SOX6: variants seen among roughly 807,000 people sequenced by gnomAD.
The protein encoded by SOX6 is transcription factor SOX-6.
SOX6 carries 11 observed loss-of-function variants against 97.8 expected under a neutral mutation model. The ratio of observed to expected loss-of-function variants is 0.11; its 90% CI spans 0.07 to 0.19. SOX6 has a LOEUF of 0.19. Among genes scored for constraint, SOX6 ranks in the 10% least tolerant of loss-of-function variants. The pLI is 1.00. For synonymous variants in SOX6, 360 were observed against 371.4 expected (o/e 0.97, Z 0.35); for missense variants, 810 against 1,039.5 (o/e 0.78, Z 3.04).
At chr11:16,658,317 C>A (rs927078988) in intron 3 of SOX6, among the ~76,000 whole-genome samples, 3 of 152,166 alleles carry the variant, frequency 2.0e-5, no homozygotes, top group African/African-American at 7.2e-5. Context: ...CAGTTCATAT[C>A]TTTTGCGTAT....
At chr11:16,235,668 T>C (rs575772274) in intron 3 of SOX6, among the ~76,000 whole-genome samples, 1 of 152,266 alleles carries the variant, frequency 6.6e-6, no homozygotes, top group Non-Finnish European at 1.5e-5. Flanking sequence ...GTTACTCCAA[T>C]TCTAAATGCC....
intron 2 of SOX6, among the ~76,000 whole-genome samples, chr11:16,726,665 C>G (rs1007331782): frequency 6.6e-6 from 1 of 152,072 alleles, no homozygotes; most frequent in African/African-American, 2.4e-5. Flanking sequence ...TCCTGGAAGT[C>G]AGGGAGGGAA....
intron 3 of SOX6, among the ~76,000 whole-genome samples, chr11:16,651,752 T>C (rs968225355): frequency 6.6e-6 from 1 of 152,104 alleles, no homozygotes. Context: ...CGATTCAACA[T>C]AGTACTGGAA....
At chr11:16,336,386 T>A (rs1856460605) in intron 2 of SOX6, among the ~76,000 whole-genome samples, 1 of 152,202 alleles carries the variant, frequency 6.6e-6, no homozygotes, top group African/African-American at 2.4e-5. Flanking sequence ...TTCTTGACTA[T>A]GTTTCTGCCC....
At chr11:16,274,780 G>A (rs1854348702) in intron 3 of SOX6, among the ~76,000 whole-genome samples, 1 of 152,108 alleles carries the variant, frequency 6.6e-6, no homozygotes, top group African/African-American at 2.4e-5. Context: ...TTTTCAGACA[G>A]CTAACCCAAA....
At chr11:16,185,220 G>A (rs978608188) in intron 5 of SOX6, among the ~76,000 whole-genome samples, 5 of 152,148 alleles carry the variant, frequency 3.3e-5, no homozygotes, top group Non-Finnish European at 5.9e-5. Flanking sequence ...TGAGAAATGA[G>A]ACTCCTCCTT....
intron 4 of SOX6, among the ~76,000 whole-genome samples, chr11:16,500,486 A>G (rs1049494710): frequency 6.6e-6 from 1 of 152,176 alleles, no homozygotes; most frequent in Non-Finnish European, 1.5e-5. Flanking sequence ...GAAGGAAATA[A>G]AGGGTATTCA....
Position 16,523,481 on chromosome 11 carries a change from C to A in SOX6, n.610-47093G>T, listed in dbSNP as rs549579367. ...CAGAATCTCTGGGACACATTCAAAG[C>A]AGTGTGTAGAGGGAAATTTATAGCA... On this transcript the variant is annotated intron_variant and non_coding_transcript_variant, in intron 4 of 5. Transcript: ENST00000524520. 3.3e-5 allele frequency among the ~76,000 whole-genome samples: 5 copies of A among 151,998 alleles called. No homozygotes were observed. The East Asian group carries it at 5.8e-4, about 18-fold the overall frequency.
rs182523975 is a variant in SOX6 at position 16,249,736 on chromosome 11, C to T, written c.446-15065G>A. 8.5e-5 allele frequency among the ~76,000 whole-genome samples: 13 copies of T among 152,248 alleles called. No individual in the cohort carries two copies. In the East Asian group the frequency reaches 2.3e-3, roughly 27 times the overall value. ...CTGATAAATGCCACCAGGTAGAAAGCCAAGCTAATCTCATGGCTTACTTTA... is the reference window on the plus strand; with the variant it reads ...CTGATAAATGCCACCAGGTAGAAAGTCAAGCTAATCTCATGGCTTACTTTA... On this transcript the variant is annotated intron_variant, in intron 3 of 15. Coordinates refer to ENST00000683767, the MANE Select transcript of SOX6 (RefSeq NM_001367873.1).
intron 1 of SOX6, among the ~76,000 whole-genome samples, chr11:16,363,697 G>C (rs1162551693): frequency 6.6e-6 from 1 of 151,986 alleles, no homozygotes; most frequent in Non-Finnish European, 1.5e-5. Context: ...CCAACAGTTA[G>C]TCTCTGCATC....
intron 6 of SOX6, among the ~76,000 whole-genome samples, chr11:16,143,097 G>C (rs530878424): frequency 3.3e-5 from 5 of 152,198 alleles, no homozygotes; most frequent in East Asian, 1.9e-4. Context: ...AGGGCAGCCA[G>C]AGAGAAAGGT....
intron 9 of SOX6, among the ~76,000 whole-genome samples, chr11:16,095,435 A>G (rs1848772972): frequency 6.6e-6 from 1 of 151,826 alleles, no homozygotes. Flanking sequence ...GTCTTGGAAA[A>G]AGCAATCATC....
At chr11:16,162,097 A>G (rs1850764318) in intron 6 of SOX6, among the ~76,000 whole-genome samples, 1 of 152,240 alleles carries the variant, frequency 6.6e-6, no homozygotes, top group Non-Finnish European at 1.5e-5. Context: ...TAAGTTCAGG[A>G]TGATGGATAG....
At chr11:16,535,020 A>ATGTC (rs1366754417) in intron 4 of SOX6, among the ~76,000 whole-genome samples, 1 of 152,186 alleles carries the variant, frequency 6.6e-6, no homozygotes, top group Non-Finnish European at 1.5e-5. Context: ...AAGCAGAGAT[A>ATGTC]TGTCAATGTT....
chr11:16,144,216 T>C (rs1850227722), intron 6 of SOX6, among the ~76,000 whole-genome samples: 1 of 152,150 alleles, frequency 6.6e-6, no homozygotes, highest in Admixed American at 6.5e-5. Context: ...ACCACTCAAC[T>C]ACATGGAAAC....
intron 3 of SOX6, among the ~76,000 whole-genome samples, chr11:16,654,595 A>T (rs1847698592): frequency 6.6e-6 from 1 of 152,166 alleles, no homozygotes; most frequent in Non-Finnish European, 1.5e-5. Context: ...CAGCCCTGTC[A>T]TCACTCTTGA....
intron 4 of SOX6, among the ~76,000 whole-genome samples, chr11:16,572,523 ATTAATG>A (rs1287745870): frequency 1.3e-5 from 2 of 152,208 alleles, no homozygotes; most frequent in Non-Finnish European, 2.9e-5. Context: ...CTGTAATTTG[ATTAATG>A]TTAAAGTCAG....
At chr11:16,181,841 C>T (rs1851356079) in intron 6 of SOX6, among the ~76,000 whole-genome samples, 1 of 151,736 alleles carries the variant, frequency 6.6e-6, no homozygotes, top group Non-Finnish European at 1.5e-5. Flanking sequence ...GAATGTAACT[C>T]TGACATTGAC....
chr11:16,292,750 C>T (rs189532375), intron 3 of SOX6, among the ~76,000 whole-genome samples: 1 of 152,256 alleles, frequency 6.6e-6, no homozygotes, highest in East Asian at 1.9e-4. Context: ...ACAAGGTCAT[C>T]GCTAAGAAGT....
Sources: allele counts gnomAD v4.1 joint callset (sites outside exome capture counted in the v4.1 genomes callset), GRCh38; gene constraint gnomAD v4.1.1; transcripts MANE v1.5; gene names NCBI Gene and HGNC (gene_info 2026-07-23, HGNC 2026-07-21).